Variants in EIF3K observed in about 807,000 individuals in gnomAD.
EIF3K encodes the protein eukaryotic translation initiation factor 3 subunit K, also known as eIF-3 p28.
EIF3K carries 27 observed loss-of-function variants against 34.2 expected under a neutral mutation model. That is an observed-to-expected ratio of 0.79 (90% CI 0.58 to 1.09). The LOEUF is 1.09. Ranked by LOEUF, EIF3K falls within the 50% of genes least tolerant of loss-of-function variation. The pLI is 0.00. For synonymous variants in EIF3K, 105 were observed against 105.7 expected, an observed-to-expected ratio of 0.99 and a Z score of 0.04; for missense variants, 232 against 275.4, an observed-to-expected ratio of 0.84 and a Z score of 1.11.
intron 7 of EIF3K, among the ~76,000 whole-genome samples, chr19:38,636,381 G>T (rs778543111): frequency 1.3e-5 from 2 of 152,132 alleles, no homozygotes; most frequent in African/African-American, 2.4e-5. Context: ...TACTCAGGAG[G>T]CTGAGGCAGG....
chr19:38,625,602 C>G (rs1363561779), intron 3 of EIF3K, among the ~76,000 whole-genome samples: 1 of 151,900 alleles, frequency 6.6e-6, no homozygotes, highest in Non-Finnish European at 1.5e-5. Context: ...CTCCTCCTCC[C>G]GGGTTCAAGT....
chr19:38,632,330 A>T, intron 4 of EIF3K, 100 bp from the exon 5 acceptor site: 1 of 1,167,748 alleles, frequency 8.6e-7, no homozygotes, highest in South Asian at 1.4e-5. Flanking sequence ...ATTCAAGACC[A>T]GCCTGGGCAA....
intron 3 of EIF3K, among the ~76,000 whole-genome samples, chr19:38,625,412 C>T (rs532654581): frequency 6.6e-6 from 1 of 151,806 alleles, no homozygotes; most frequent in East Asian, 1.9e-4. Flanking sequence ...GTGATCCACC[C>T]GCCTCAGCCT....
chr19:38,636,094 G>A (rs12977469), intron 7 of EIF3K, among the ~76,000 whole-genome samples: 37,318 of 152,132 alleles, frequency 0.25, 5,997 homozygotes, highest in East Asian at 0.58. Flanking sequence ...CTGCTGTGTC[G>A]GGGTTCTCAG....
chr19:38,627,674 T>C (rs965506948), intron 4 of EIF3K, among the ~76,000 whole-genome samples: 3 of 147,778 alleles, frequency 2.0e-5, no homozygotes, highest in African/African-American at 7.5e-5. Context: ...AGACTCCGTC[T>C]CAAAAAAAAA....
chr19:38,634,571 C>T (rs1474550121), intron 6 of EIF3K, among the ~76,000 whole-genome samples: 2 of 151,328 alleles, frequency 1.3e-5, no homozygotes, highest in African/African-American at 4.9e-5. Flanking sequence ...GCACTCCAGC[C>T]TGAGCAACAA....
chr19:38,635,247 A>G, intron 7 of EIF3K, 129 bp downstream of exon 7: 1 of 1,343,076 alleles, frequency 7.4e-7, no homozygotes, highest in Non-Finnish European at 1.0e-6. Context: ...CACCTGCCAG[A>G]TTCCATTCAC....
chr19:38,636,299 C>T (rs554557147), intron 7 of EIF3K, among the ~76,000 whole-genome samples: 10 of 152,090 alleles, frequency 6.6e-5, no homozygotes, highest in South Asian at 2.1e-4. Context: ...GGGGAGTAGA[C>T]GGGAGGGTTC....
At chr19:38,625,678 T>C (rs1256474108) in intron 3 of EIF3K, among the ~76,000 whole-genome samples, 1 of 150,398 alleles carries the variant, frequency 6.6e-6, no homozygotes, top group Non-Finnish European at 1.5e-5. Context: ...CCCAGCTGCT[T>C]TTCGTATGTT....
chr19:38,629,777 C>G (rs2088483424), intron 4 of EIF3K, among the ~76,000 whole-genome samples: 1 of 152,088 alleles, frequency 6.6e-6, no homozygotes, highest in Non-Finnish European at 1.5e-5. Context: ...AGGCGGGTGT[C>G]TGGCGGGTTT....
chr19:38,636,028 A>T (rs1212848477), intron 7 of EIF3K, among the ~76,000 whole-genome samples: 1 of 152,236 alleles, frequency 6.6e-6, no homozygotes, highest in Non-Finnish European at 1.5e-5. Flanking sequence ...AGCATTGAGC[A>T]GGCAGCCATC....
intron 4 of EIF3K, among the ~76,000 whole-genome samples, chr19:38,630,349 T>TTA (rs1555816223): frequency 8.9e-5 from 12 of 134,618 alleles, no homozygotes; most frequent in African/African-American, 2.7e-4. Flanking sequence ...ATTTATTTAT[T>TTA]TTTTTTTTTT....
intron 2 of EIF3K, 41 bp downstream of exon 2, chr19:38,620,476 C>A: frequency 6.4e-7 from 1 of 1,570,082 alleles, no homozygotes; most frequent in Non-Finnish European, 8.7e-7. Flanking sequence ...ATTGCAGCAA[C>A]TAGCAGGGTG....
At chr19:38,622,713 AT>A (rs1431466589) in intron 2 of EIF3K, among the ~76,000 whole-genome samples, 2 of 152,184 alleles carry the variant, frequency 1.3e-5, no homozygotes, top group Non-Finnish European at 2.9e-5. Flanking sequence ...AGACGAGTTT[AT>A]TTCACCTCTG....
intron 4 of EIF3K, 178 bp downstream of exon 4, chr19:38,626,280 C>T: frequency 1.5e-6 from 1 of 650,848 alleles, no homozygotes. Context: ...CAGGTCATCC[C>T]CGTGCCCACA....
In EIF3K at chr19:38,632,684, G is replaced by A. The variant is rs369781319; in HGVS notation, c.499+6G>A. 41 of 1,608,946 alleles carry A rather than the reference G, an allele frequency of 2.5e-5. No homozygotes were observed. The African/African-American group carries it at 4.3e-4, about 17-fold the overall frequency. On this transcript the variant is annotated splice_donor_region_variant and intron_variant, in intron 6 of 7. Coordinates refer to ENST00000248342, the MANE Select transcript of EIF3K (RefSeq NM_013234.4). ...GATGCTCGGGGATCTGTCGGGTAAC[G>A]CCCTCTGGGTCCTGGTGCACATCTG...
chr19:38,620,668 C>T (rs990033051), intron 2 of EIF3K, among the ~76,000 whole-genome samples: 1 of 150,522 alleles, frequency 6.6e-6, no homozygotes, highest in East Asian at 2.0e-4. Flanking sequence ...ATGAGGCAGG[C>T]GGATCACCTG....
At chr19:38,626,510 G>A (rs1975954253) in intron 4 of EIF3K, among the ~76,000 whole-genome samples, 1 of 152,190 alleles carries the variant, frequency 6.6e-6, no homozygotes. Flanking sequence ...AATTAATTGG[G>A]TGTGGTGGCA....
chr19:38,635,163 C>T, intron 7 of EIF3K, 45 bp downstream of exon 7: 2 of 1,613,260 alleles, frequency 1.2e-6, no homozygotes, highest in Admixed American at 1.7e-5. Flanking sequence ...TAAGGGGGTG[C>T]CCCTCAAGGG....
Sources: gnomAD v4.1 joint callset for allele counts (sites outside exome capture counted in the v4.1 genomes callset) on GRCh38, gnomAD v4.1.1 for gene constraint, MANE v1.5 for transcripts, NCBI Gene and HGNC (gene_info 2026-07-23, HGNC 2026-07-21) for gene names.